Variants in GALNTL6 observed in about 807,000 individuals in gnomAD.
GALNTL6 encodes the protein polypeptide N-acetylgalactosaminyltransferase-like 6.
GALNTL6 carries 46 observed loss-of-function variants against 73.7 expected under a neutral mutation model. The ratio of observed to expected loss-of-function variants is 0.62; its 90% CI spans 0.49 to 0.80. GALNTL6 has a LOEUF of 0.80. Ranked by LOEUF, GALNTL6 falls within the 30% of genes least tolerant of loss-of-function variation. GALNTL6 has a pLI of 0.00. For synonymous variants in GALNTL6, 259 were observed against 263.7 expected, an observed-to-expected ratio of 0.98 and a Z score of 0.17; for missense variants, 604 against 755.0, an observed-to-expected ratio of 0.80 and a Z score of 2.34.
chr4:172,939,162 G>A (rs1295548694), intron 9 of GALNTL6, among the ~76,000 whole-genome samples: 5 of 152,082 alleles, frequency 3.3e-5, no homozygotes, highest in African/African-American at 1.2e-4. Context: ...TGGGTGTGGT[G>A]GCATGTGCCT....
At chr4:172,904,112 A>C (rs1228959954) in intron 8 of GALNTL6, among the ~76,000 whole-genome samples, 1 of 152,232 alleles carries the variant, frequency 6.6e-6, no homozygotes, top group African/African-American at 2.4e-5. Flanking sequence ...AACAATATTT[A>C]ATTAAATTAC....
rs189019627 is a variant in GALNTL6 at position 172,477,912 on chromosome 4, C to G, written c.553+129223C>G. ...AAAAAAAACAGGAAGAAATGCATGG[C>G]CTTAGTGGAAACAAACTTCTGCATT... On this transcript the variant is annotated intron_variant, in intron 5 of 12. Transcript: ENST00000506823. Among the ~76,000 whole-genome samples the G allele has an allele frequency of 1.8e-4, 28 of 152,016 alleles. No homozygotes were observed. In the East Asian group the frequency reaches 4.6e-3, roughly 25 times the overall value.
intron 5 of GALNTL6, among the ~76,000 whole-genome samples, chr4:172,665,076 A>T (rs564083776): frequency 3.3e-5 from 5 of 152,282 alleles, no homozygotes; most frequent in African/African-American, 1.2e-4. Context: ...AGGTTAACCT[A>T]CCACCAACTA....
chr4:172,835,208 G>A (rs553613431), intron 7 of GALNTL6, among the ~76,000 whole-genome samples: 1 of 152,338 alleles, frequency 6.6e-6, no homozygotes, highest in Non-Finnish European at 1.5e-5. Context: ...CTTGATAAAG[G>A]AATTTGAAAC....
intron 2 of GALNTL6, among the ~76,000 whole-genome samples, chr4:172,077,453 C>G (rs1731734736): frequency 6.6e-6 from 1 of 152,054 alleles, no homozygotes; most frequent in African/African-American, 2.4e-5. Context: ...TCTTCCTATG[C>G]TAGCAAAGAG....
intron 2 of GALNTL6, among the ~76,000 whole-genome samples, chr4:172,111,216 T>A (rs937283216): frequency 1.3e-5 from 2 of 152,080 alleles, no homozygotes; most frequent in Non-Finnish European, 2.9e-5. Context: ...TCTAAAAACA[T>A]ATTTGTAAGA....
chr4:172,229,517 G>C, intron 2 of GALNTL6, 139 bp from the exon 3 acceptor site: 1 of 602,262 alleles, frequency 1.7e-6, no homozygotes, highest in South Asian at 2.1e-5. Flanking sequence ...ACCAGCGATA[G>C]CTTTCTTTTC....
chr4:172,814,674 G>T (rs960299144), intron 7 of GALNTL6, among the ~76,000 whole-genome samples: 1 of 152,108 alleles, frequency 6.6e-6, no homozygotes, highest in South Asian at 2.1e-4. Flanking sequence ...ATAAAAGTTT[G>T]CAGTAAAGAA....
chr4:172,841,389 A>G (rs1010105002), intron 7 of GALNTL6, among the ~76,000 whole-genome samples: 2 of 152,214 alleles, frequency 1.3e-5, no homozygotes, highest in Non-Finnish European at 2.9e-5. Flanking sequence ...AGTAGAGAGA[A>G]TAAGACAAAT....
At chr4:172,588,579 T>C (rs1315706000) in intron 5 of GALNTL6, among the ~76,000 whole-genome samples, 15 of 151,778 alleles carry the variant, frequency 9.9e-5, no homozygotes. Flanking sequence ...TGGATAGTGA[T>C]AGATGCCTAA....
intron 5 of GALNTL6, among the ~76,000 whole-genome samples, chr4:172,721,088 A>G (rs1293762573): frequency 6.6e-6 from 1 of 152,234 alleles, no homozygotes; most frequent in African/African-American, 2.4e-5. Flanking sequence ...ATAGAAGTGC[A>G]TAAAAAGGAT....
intron 5 of GALNTL6, among the ~76,000 whole-genome samples, chr4:172,500,227 C>A (rs1246743604): frequency 6.6e-6 from 1 of 152,038 alleles, no homozygotes; most frequent in Non-Finnish European, 1.5e-5. Flanking sequence ...GCGAGACCAG[C>A]CTGAGCAACA....
At chr4:172,702,523 T>C (rs975195657) in intron 5 of GALNTL6, among the ~76,000 whole-genome samples, 1 of 151,966 alleles carries the variant, frequency 6.6e-6, no homozygotes, top group Non-Finnish European at 1.5e-5. Context: ...AATTTTTATA[T>C]TGAAACTTAA....
intron 5 of GALNTL6, among the ~76,000 whole-genome samples, chr4:172,441,901 ATT>A (rs5864137): frequency 2.0e-4 from 30 of 151,898 alleles, no homozygotes; most frequent in African/African-American, 6.5e-4. Context: ...ATAAGAATTG[ATT>A]TTTTTTTAAG....
At chr4:172,974,635 C>T (rs553729951) in intron 10 of GALNTL6, among the ~76,000 whole-genome samples, 4 of 152,304 alleles carry the variant, frequency 2.6e-5, no homozygotes, top group Middle Eastern at 3.4e-3. Flanking sequence ...AGTTTTTACT[C>T]GGGCCCCCTG....
At chr4:172,902,593 C>T (rs1384609453) in intron 8 of GALNTL6, among the ~76,000 whole-genome samples, 1 of 152,146 alleles carries the variant, frequency 6.6e-6, no homozygotes, top group Non-Finnish European at 1.5e-5. Context: ...AAGGCAGAAA[C>T]ATCCAAGGTT....
rs551561510 is a variant in GALNTL6, at chr4:171,880,786, C to T, written c.138+66068C>T. Among the ~76,000 whole-genome samples, 68 of 151,822 alleles carry T rather than the reference C, an allele frequency of 4.5e-4. 1 individual carries two copies. The highest frequency in any genetic ancestry group is 1.4e-3 in the African/African-American group (59 of 41,408). ...AATGGAGAGAGCTTCCCCCTCTGCCCAAGGAAAATATAACACATTTATTAC... is the reference window on the plus strand; with the variant it reads ...AATGGAGAGAGCTTCCCCCTCTGCCTAAGGAAAATATAACACATTTATTAC... On this transcript the variant is annotated intron_variant, in intron 2 of 12. Transcript: ENST00000506823.
intron 5 of GALNTL6, among the ~76,000 whole-genome samples, chr4:172,446,585 T>G (rs906422645): frequency 3.3e-5 from 5 of 150,638 alleles, no homozygotes; most frequent in African/African-American, 1.2e-4. Flanking sequence ...GAAACAAGTG[T>G]TTTTTTTCTG....
intron 2 of GALNTL6, among the ~76,000 whole-genome samples, chr4:171,968,238 A>G (rs931182418): frequency 6.6e-6 from 1 of 151,986 alleles, no homozygotes; most frequent in Non-Finnish European, 1.5e-5. Flanking sequence ...ATGATCACAC[A>G]CTGGGTGACT....
Sources: gnomAD v4.1 joint callset for allele counts (sites outside exome capture counted in the v4.1 genomes callset) on GRCh38, gnomAD v4.1.1 for gene constraint, MANE v1.5 for transcripts, NCBI Gene and HGNC (gene_info 2026-07-23, HGNC 2026-07-21) for gene names.